The following RASEF variants were observed in gnomAD, a reference collection of about 807,000 sequenced individuals.
The protein encoded by RASEF is ras and EF-hand domain-containing protein.
A neutral mutation model predicts 90.1 loss-of-function variants in RASEF; 68 were observed. That is an observed-to-expected ratio of 0.75 (90% CI 0.62 to 0.92). The LOEUF (loss-of-function observed/expected upper bound fraction) is 0.92, where lower values mean the gene tolerates loss of function less well. Among genes scored for constraint, RASEF ranks in the 40% least tolerant of loss-of-function variants. RASEF has a pLI of 0.00. For missense variants in RASEF, 949 were observed against 937.2 expected (o/e 1.01, Z -0.16); for synonymous variants, 331 against 345.2 (o/e 0.96, Z 0.46).
chr9:83,082,528 A>C, the RASEF span, among the ~76,000 whole-genome samples: 14 of 152,212 alleles, frequency 9.2e-5, no homozygotes, highest in African/African-American at 3.4e-4. Context: ...GTGAAATTCA[A>C]ACATTTGTAG....
At chr9:83,025,309 C>T (rs1485957009) in intron 2 of RASEF, among the ~76,000 whole-genome samples, 1 of 152,072 alleles carries the variant, frequency 6.6e-6, no homozygotes. Flanking sequence ...CAGGGCTCAC[C>T]CATGACATCA....
chr9:83,199,612 T>C, the RASEF span, among the ~76,000 whole-genome samples: 2 of 152,158 alleles, frequency 1.3e-5, no homozygotes. Flanking sequence ...AGTGGGTAAA[T>C]GAGGCACTAA....
chr9:83,183,929 T>G, the RASEF span, among the ~76,000 whole-genome samples: 1 of 152,196 alleles, frequency 6.6e-6, no homozygotes, highest in Non-Finnish European at 1.5e-5. Context: ...GGAGGGTTTG[T>G]TAAAACTCAG....
chr9:83,138,367 A>G, the RASEF span, among the ~76,000 whole-genome samples: 21 of 152,200 alleles, frequency 1.4e-4, no homozygotes, highest in African/African-American at 4.6e-4. Context: ...CTCTAAAGAA[A>G]GTATTAGAAT....
At chr9:83,196,953 G>C in the RASEF span, among the ~76,000 whole-genome samples, 1 of 152,170 alleles carries the variant, frequency 6.6e-6, no homozygotes, top group East Asian at 1.9e-4. Flanking sequence ...CTTTAATGAC[G>C]AACATATGGT....
the RASEF span, among the ~76,000 whole-genome samples, chr9:83,085,066 A>G: frequency 1.3e-5 from 2 of 152,214 alleles, no homozygotes; most frequent in African/African-American, 2.4e-5. Flanking sequence ...TTAAAAAGAT[A>G]TATCCCAGTA....
intron 14 of RASEF, among the ~76,000 whole-genome samples, chr9:82,993,313 AG>A (rs1172144746): frequency 6.6e-6 from 1 of 152,218 alleles, no homozygotes; most frequent in East Asian, 1.9e-4. Flanking sequence ...CCCCATCCTT[AG>A]GTTAATGAAA....
At chr9:83,202,030 G>C in the RASEF span, 1 of 157,168 alleles carries the variant, frequency 6.4e-6, no homozygotes, top group Non-Finnish European at 1.4e-5. Flanking sequence ...CTCCAGTTAT[G>C]GCCCTCTGGA....
chr9:82,992,375 ATAC>A (rs1229040113), intron 15 of RASEF, among the ~76,000 whole-genome samples: 24 of 152,232 alleles, frequency 1.6e-4, no homozygotes, highest in Non-Finnish European at 2.5e-4. Context: ...TTATTCCTAT[ATAC>A]AAATGCATAC....
At chr9:82,996,727 T>C (rs1828927081) in intron 14 of RASEF, among the ~76,000 whole-genome samples, 1 of 152,160 alleles carries the variant, frequency 6.6e-6, no homozygotes, top group African/African-American at 2.4e-5. Flanking sequence ...GCTACCTGGA[T>C]TTTTACTTGC....
chr9:83,000,573 AT>A lies in RASEF; in HGVS notation c.1438-4del. On this transcript the variant is annotated splice_region_variant and splice_polypyrimidine_tract_variant and intron_variant, in intron 10 of 16. Coordinates refer to ENST00000376447, the MANE Select transcript of RASEF (RefSeq NM_152573.4). ...TCTTCATCCCTTATGTCAGGAACCT[AT>A]TTTTTTTAAAATGTCAGCAGTTAAA... 1.5e-5 allele frequency: 23 copies of A among 1,579,774 alleles called. No homozygotes were observed. The highest frequency in any genetic ancestry group is 4.0e-5 in the Admixed American group (2 of 50,374).
the RASEF span, among the ~76,000 whole-genome samples, chr9:83,077,432 T>C: frequency 6.6e-6 from 1 of 152,140 alleles, no homozygotes; most frequent in African/African-American, 2.4e-5. Context: ...TTACGAATAG[T>C]TTCTTGAATT....
chr9:83,210,585 A>G, the RASEF span, among the ~76,000 whole-genome samples: 3 of 152,238 alleles, frequency 2.0e-5, no homozygotes, highest in African/African-American at 4.8e-5. Flanking sequence ...CCAGCTCACC[A>G]TGAATGACAC....
At chr9:83,217,618 C>T in the RASEF span, among the ~76,000 whole-genome samples, 2 of 152,208 alleles carry the variant, frequency 1.3e-5, no homozygotes, top group African/African-American at 4.8e-5. Flanking sequence ...CCATGTAAGA[C>T]ATGCCTTTGC....
the RASEF span, among the ~76,000 whole-genome samples, chr9:83,115,230 G>C: frequency 1.3e-5 from 2 of 152,118 alleles, no homozygotes; most frequent in Admixed American, 6.5e-5. Flanking sequence ...AATATTGGGG[G>C]TTGGTTCCCC....
intron 16 of RASEF, among the ~76,000 whole-genome samples, chr9:82,983,205 C>T (rs1234975808): frequency 1.3e-5 from 2 of 151,126 alleles, no homozygotes; most frequent in Non-Finnish European, 2.9e-5. Context: ...GCAGAACCTG[C>T]GATACACACA....
the RASEF span, among the ~76,000 whole-genome samples, chr9:83,175,768 G>T: frequency 1.0e-3 from 158 of 152,222 alleles, 1 homozygote; most frequent in African/African-American, 3.6e-3. Context: ...TTTTAGTAGA[G>T]ATGGGGTTTC....
chr9:83,015,058 T>A (rs1379040630), intron 4 of RASEF, among the ~76,000 whole-genome samples: 1 of 152,228 alleles, frequency 6.6e-6, no homozygotes, highest in Non-Finnish European at 1.5e-5. Flanking sequence ...AACTAGTGAC[T>A]CTTGGTGATC....
In RASEF at chr9:83,062,553, G is replaced by A; in HGVS notation, c.315C>T (p.Asp105=). Residue 105 remains aspartate (D), a synonymous_variant, in exon 1 of 17, where the codon GAC becomes GAT. Coordinates refer to ENST00000376447, the MANE Select transcript of RASEF (RefSeq NM_152573.4). ...CCGCCGCCGCGTCCTCGTCGCCTTCGTCCTCCTCGCTGTCGTGTGTCTCCG... is the reference window on the plus strand; with the variant it reads ...CCGCCGCCGCGTCCTCGTCGCCTTCATCCTCCTCGCTGTCGTGTGTCTCCG... The part of the protein sequence containing the change: ...AGPETHDSEE[D]EGDEDAAAAL... 6.2e-7 allele frequency: 1 copy of A among 1,601,146 alleles called. No individual in the cohort carries two copies. Among genetic ancestry groups the A allele is most frequent in the Non-Finnish European group, 8.5e-7 (1 of 1,174,304 alleles).
Sources: gnomAD v4.1 joint callset for allele counts (sites outside exome capture counted in the v4.1 genomes callset) on GRCh38, gnomAD v4.1.1 for gene constraint, MANE v1.5 for transcripts, NCBI Gene and HGNC (gene_info 2026-07-23, HGNC 2026-07-21) for gene names.